The following SEC11A variants were observed in gnomAD, a reference collection of about 807,000 sequenced individuals.
SEC11A encodes the protein SEC11 homolog A, signal peptidase complex subunit, also known as signal peptidase complex catalytic subunit SEC11A.
A neutral mutation model predicts 25.6 loss-of-function variants in SEC11A; 14 were observed. The observed-to-expected ratio is 0.55, with a 90% confidence interval of 0.36 to 0.85. The LOEUF is 0.85. Among genes scored for constraint, SEC11A ranks in the 40% least tolerant of loss-of-function variants. The pLI is 0.01. For missense variants in SEC11A, 153 were observed against 222.9 expected (o/e 0.69, Z 2.00); for synonymous variants, 83 against 76.4 (o/e 1.09, Z -0.45).
At chr15:84,709,250 G>C (rs1318657661) in intron 1 of SEC11A, among the ~76,000 whole-genome samples, 5 of 151,716 alleles carry the variant, frequency 3.3e-5, no homozygotes, top group Non-Finnish European at 5.9e-5. Flanking sequence ...GGCTAGACTT[G>C]AACTCCTTGG....
intron 1 of SEC11A, among the ~76,000 whole-genome samples, chr15:84,712,227 G>A (rs1370334241): frequency 1.5e-5 from 2 of 137,856 alleles, no homozygotes; most frequent in Non-Finnish European, 3.0e-5. Flanking sequence ...GGGCAACAGA[G>A]AGAGACCTTG....
chr15:84,683,546 G>C (rs1897333035), intron 3 of SEC11A, among the ~76,000 whole-genome samples: 2 of 151,962 alleles, frequency 1.3e-5, no homozygotes, highest in African/African-American at 2.4e-5. Context: ...GTGGCAACCG[G>C]CTCTTATTAG....
chr15:84,708,415 T>C (rs1898162910), intron 1 of SEC11A, among the ~76,000 whole-genome samples: 1 of 152,004 alleles, frequency 6.6e-6, no homozygotes, highest in African/African-American at 2.4e-5. Context: ...TACTTTTCCA[T>C]AATCAAAAAA....
In SEC11A at chr15:84,670,793, CA is replaced by C; in HGVS notation, c.432-12del. ...ATATAAGGAACAAATCTAAAACAAA[CA>C]AAAAACTGATTATCACAGAATTTCC... On this transcript the variant is annotated splice_polypyrimidine_tract_variant and intron_variant, in intron 4 of 5. Transcript: ENST00000268220. 1 of 1,348,998 alleles carries C rather than the reference CA, an allele frequency of 7.4e-7. No homozygotes were observed. Among genetic ancestry groups the C allele is most frequent in the Non-Finnish European group, 1.0e-6 (1 of 980,784 alleles). The allele number at this position is 1,348,998 out of a possible 1,614,324, so 83.6% of individuals were successfully genotyped here.
At chr15:84,713,081 C>A (rs1898335902) in intron 1 of SEC11A, among the ~76,000 whole-genome samples, 1 of 151,486 alleles carries the variant, frequency 6.6e-6, no homozygotes, top group South Asian at 2.1e-4. Flanking sequence ...GTAGTCCCAG[C>A]TACTTGGGAG....
intron 3 of SEC11A, chr15:84,686,978 T>C (rs1897445914): frequency 6.6e-6 from 1 of 152,402 alleles, no homozygotes; most frequent in Admixed American, 6.6e-5. Flanking sequence ...GTTCATGCAA[T>C]TCGCCTGCCT....
At chr15:84,712,859 T>C (rs1313486141) in intron 1 of SEC11A, among the ~76,000 whole-genome samples, 19 of 152,168 alleles carry the variant, frequency 1.2e-4, no homozygotes, top group African/African-American at 4.6e-4. Flanking sequence ...ACGGGTCTTG[T>C]AGGTGATATA....
chr15:84,711,039 T>C (rs1295708268), intron 1 of SEC11A, among the ~76,000 whole-genome samples: 1 of 148,450 alleles, frequency 6.7e-6, no homozygotes, highest in African/African-American at 2.5e-5. Flanking sequence ...CATTGCACTC[T>C]AGCCTGCAAA....
At chr15:84,713,888 T>C (rs927049490) in intron 1 of SEC11A, among the ~76,000 whole-genome samples, 10 of 152,192 alleles carry the variant, frequency 6.6e-5, no homozygotes, top group African/African-American at 1.9e-4. Flanking sequence ...TTGAAGCTGT[T>C]CGTAATGCCC....
intron 3 of SEC11A, among the ~76,000 whole-genome samples, chr15:84,682,052 C>T (rs1021446076): frequency 1.3e-5 from 2 of 152,052 alleles, no homozygotes; most frequent in African/African-American, 4.8e-5. Context: ...GAGTGAGACA[C>T]TGTCTTGAAT....
At chr15:84,671,704 G>T (rs187759815) in intron 4 of SEC11A, 1 of 152,164 alleles carries the variant, frequency 6.6e-6, no homozygotes, top group African/African-American at 2.4e-5. Context: ...TGCCTATCTT[G>T]TTCCCCCTGT....
intron 1 of SEC11A, among the ~76,000 whole-genome samples, chr15:84,706,878 C>T (rs1325941283): frequency 3.3e-5 from 5 of 152,196 alleles, no homozygotes; most frequent in Non-Finnish European, 7.3e-5. Flanking sequence ...GCTGCAATTA[C>T]GCAGAAGGTC....
chr15:84,716,112 G>C lies in SEC11A; in HGVS notation c.-37C>G. ...CGAGCAGGACACCGGCAGGGGAAAG[G>C]GCGCGATGACCAGCGGGCGGAACTA... On this transcript the variant is annotated 5_prime_UTR_variant, in exon 1 of 6. Coordinates refer to ENST00000268220, the MANE Select transcript of SEC11A (RefSeq NM_014300.4). The C allele has an allele frequency of 6.2e-7, 1 of 1,607,038 alleles. No individual in the cohort carries two copies.
intron 1 of SEC11A, among the ~76,000 whole-genome samples, chr15:84,703,127 C>T (rs1897996841): frequency 6.6e-6 from 1 of 152,150 alleles, no homozygotes; most frequent in African/African-American, 2.4e-5. Flanking sequence ...CAAAGCTATA[C>T]TGTCCTTTGG....
At chr15:84,676,478 T>A (rs888842182) in intron 4 of SEC11A, among the ~76,000 whole-genome samples, 8 of 149,616 alleles carry the variant, frequency 5.3e-5, no homozygotes, top group African/African-American at 2.0e-4. Flanking sequence ...TTTTTTTTTT[T>A]AATGCATAAA....
At chr15:84,679,313 T>C (rs1897223974) in intron 4 of SEC11A, 1 of 1,101,276 alleles carries the variant, frequency 9.1e-7, no homozygotes, top group Non-Finnish European at 1.2e-6. Context: ...AAAGTATTTT[T>C]AGCTCCATCA....
intron 1 of SEC11A, among the ~76,000 whole-genome samples, chr15:84,709,829 G>A (rs1401610718): frequency 2.6e-5 from 4 of 152,062 alleles, no homozygotes; most frequent in Non-Finnish European, 5.9e-5. Context: ...TGCAACCTCC[G>A]CCTTCCAGGT....
intron 1 of SEC11A, among the ~76,000 whole-genome samples, chr15:84,701,326 AT>A (rs944580342): frequency 1.6e-4 from 24 of 148,930 alleles, no homozygotes; most frequent in African/African-American, 3.0e-4. Flanking sequence ...AATAATAATA[AT>A]TTTTTTTTTG....
At chr15:84,691,073 CT>C (rs199982469) in intron 2 of SEC11A, among the ~76,000 whole-genome samples, 8,044 of 132,842 alleles carry the variant, frequency 0.061, 223 homozygotes, top group African/African-American at 0.086. Flanking sequence ...TCTTTTCTCT[CT>C]TTTTTTTTTT....
Sources: allele counts gnomAD v4.1 joint callset (sites outside exome capture counted in the v4.1 genomes callset), GRCh38; gene constraint gnomAD v4.1.1; transcripts MANE v1.5; gene names NCBI Gene and HGNC (gene_info 2026-07-23, HGNC 2026-07-21).